ADGRG4: variants seen among roughly 807,000 people sequenced by gnomAD.
ADGRG4 encodes the protein adhesion G protein-coupled receptor G4, also known as G protein-coupled receptor 112.
A neutral mutation model predicts 126.2 loss-of-function variants in ADGRG4; 122 were observed. That is an observed-to-expected ratio of 0.97 (90% CI 0.83 to 1.12). ADGRG4 has a LOEUF of 1.12. ADGRG4 is among the 50% of genes most tolerant of loss of function. The pLI, the probability that ADGRG4 is intolerant of heterozygous loss-of-function variation, is 0.00. For missense variants in ADGRG4, 2,481 were observed against 2,251.8 expected, an observed-to-expected ratio of 1.10 and a Z score of -2.06; for synonymous variants, 943 against 838.7, an observed-to-expected ratio of 1.12 and a Z score of -2.15.
chrX:136,341,994 G>A (rs1042285964), intron 5 of ADGRG4, among the ~76,000 whole-genome samples: 7 of 111,741 alleles, frequency 6.3e-5, no homozygotes, highest in Non-Finnish European at 1.3e-4. Context: ...GATTTCAATT[G>A]GAGAAAGATC....
At chrX:136,379,179 A>G (rs746047520) in intron 15 of ADGRG4, among the ~76,000 whole-genome samples, 13 of 111,212 alleles carry the variant, frequency 1.2e-4, no homozygotes, top group Non-Finnish European at 1.9e-4. Context: ...AGCCATTCAG[A>G]TTTTCTGATT....
intron 15 of ADGRG4, 71 bp from the exon 16 acceptor site, chrX:136,387,669 G>A: frequency 1.3e-5 from 13 of 1,005,222 alleles, no homozygotes; most frequent in Non-Finnish European, 1.8e-5. Flanking sequence ...CTGAGCTGGG[G>A]TGGGAGGTGG....
At position 136,349,426 on chromosome X, in the gene ADGRG4, T is replaced by TG. The variant is rs1227102986; in HGVS notation, c.5722dup (p.Glu1908GlyfsTer25). The stretch of plus-strand genomic sequence containing the variant: ...ATTAATGTACCTACATCCAATGAGA[T>TG]GGAAACAGAGACTCTACACCTTGTT... On this transcript the variant is annotated frameshift_variant, in exon 6 of 26. Transcript: ENST00000394143. LOFTEE classifies it high-confidence loss of function. The TG allele has an allele frequency of 8.3e-7, 1 of 1,206,669 alleles. No homozygotes were observed. The highest frequency in any genetic ancestry group is 3.0e-5 in the East Asian group (1 of 33,809).
intron 4 of ADGRG4, among the ~76,000 whole-genome samples, chrX:136,318,836 C>T (rs1225952024): frequency 8.9e-6 from 1 of 112,236 alleles, no homozygotes; most frequent in Non-Finnish European, 1.9e-5. Flanking sequence ...TAATACTTTT[C>T]AGTTTTTCTT....
rs1196018244 is a variant in ADGRG4, at chrX:136,305,019, A to G, written c.-14A>G. The G allele has an allele frequency of 1.8e-5, 2 of 112,033 alleles. No individual in the cohort carries two copies. Among genetic ancestry groups the G allele is most frequent in the Non-Finnish European group, 3.8e-5 (2 of 53,182 alleles). 9.2% of individuals were successfully genotyped at this position (112,033 alleles called of 1,213,427 possible). On this transcript the variant is annotated 5_prime_UTR_variant, in exon 3 of 26. The change creates a new upstream start codon in the 5' untranslated region. Transcript: ENST00000394143. The stretch of plus-strand genomic sequence containing the variant: ...TGTGTTATGTAATCTTCACAGCAAT[A>G]TGAGGTGAGTTCCATGGTCAGCATT...
rs763490250 is a variant in ADGRG4 at position 136,349,196 on chromosome X, A to G, written c.5490A>G (p.Leu1830=). ...YPPWTPSSAT[L]PSLTSFVYSP... is the part of the protein sequence containing the mutation. ...CATGGACCCCATCCAGTGCAACTCT[A>G]CCCTCTTTGACATCATTTGTTTATT... The change falls in exon 6 of 26, where the codon CTA becomes CTG. Residue 1830 remains leucine, a synonymous_variant. Coordinates refer to ENST00000394143, the MANE Select transcript of ADGRG4 (RefSeq NM_153834.4). 1.8e-5 allele frequency: 22 copies of G among 1,204,704 alleles called. No homozygotes were observed. The South Asian group carries it at 3.7e-4, about 20-fold the overall frequency.
At chrX:136,403,153 C>A in intron 21 of ADGRG4, 91 bp from the exon 22 acceptor site, 1 of 632,142 alleles carries the variant, frequency 1.6e-6, no homozygotes, top group Non-Finnish European at 2.6e-6. Context: ...CTTATTTAAA[C>A]AGTGTCTTAA....
intron 1 of ADGRG4, among the ~76,000 whole-genome samples, chrX:136,303,705 A>T (rs972860609): frequency 1.8e-5 from 2 of 111,509 alleles, no homozygotes; most frequent in Non-Finnish European, 3.8e-5. Context: ...AAAATCTCTT[A>T]AGGAGTTGTC....
rs760203414 is a variant in ADGRG4 at position 136,322,950 on chromosome X, C to A, written c.243C>A (p.Ala81=). The stretch of plus-strand genomic sequence containing the variant: ...CCTTCTCTTATATTACTAATAACGC[C>A]CTCCTGGGCAGAGAAGACATAGACC... ...WMAFSYITNN[A]LLGREDIDLG... Residue 81 remains alanine, a synonymous_variant, in exon 5 of 26, where the codon GCC becomes GCA. Coordinates refer to ENST00000394143, the MANE Select transcript of ADGRG4 (RefSeq NM_153834.4). 1 of 1,210,563 alleles carries A rather than the reference C, an allele frequency of 8.3e-7. No homozygotes were observed. Among genetic ancestry groups the A allele is most frequent in the South Asian group, 1.8e-5 (1 of 56,941 alleles).
At chrX:136,324,755 T>G (rs1400036502) in intron 5 of ADGRG4, among the ~76,000 whole-genome samples, 3 of 112,127 alleles carry the variant, frequency 2.7e-5, no homozygotes, top group African/African-American at 9.7e-5. Flanking sequence ...TTTGAGCATT[T>G]TCTTACTCTC....
chrX:136,407,107 T>C (rs1005351560), intron 23 of ADGRG4, among the ~76,000 whole-genome samples: 5 of 111,291 alleles, frequency 4.5e-5, no homozygotes, highest in Non-Finnish European at 1.9e-5. Context: ...TGGGACAGGC[T>C]GAGAGTCAAG....
At chrX:136,328,596 A>G (rs996417119) in intron 5 of ADGRG4, among the ~76,000 whole-genome samples, 5 of 112,225 alleles carry the variant, frequency 4.5e-5, no homozygotes, top group African/African-American at 9.7e-5. Flanking sequence ...TAGCATCCCT[A>G]TATCTGCGGG....
At position 136,350,450 on chromosome X, in the gene ADGRG4, C is replaced by T. The variant is rs1327404324; in HGVS notation, c.6727+17C>T. The T allele has an allele frequency of 1.7e-6, 2 of 1,185,466 alleles. No individual in the cohort carries two copies. The highest frequency in any genetic ancestry group is 3.5e-5 in the African/African-American group (2 of 56,734). On this transcript the variant is annotated intron_variant, in intron 6 of 25. Transcript: ENST00000394143. ...AGTCCACAGGTACTGCTCCATAATG[C>T]ATGTGGTGTAGCCCCAACAGAATTC...
At chrX:136,373,573 A>G (rs188170811) in intron 15 of ADGRG4, among the ~76,000 whole-genome samples, 3 of 112,101 alleles carry the variant, frequency 2.7e-5, no homozygotes, top group East Asian at 2.8e-4. Context: ...ACAATTAAAA[A>G]GTAATAAAAT....
At chrX:136,364,754 G>T (rs764557789) in intron 13 of ADGRG4, among the ~76,000 whole-genome samples, 1 of 111,818 alleles carries the variant, frequency 8.9e-6, no homozygotes, top group Non-Finnish European at 1.9e-5. Flanking sequence ...GACCACATTA[G>T]CTTTTATTTT....
At position 136,414,411 on chromosome X, in the gene ADGRG4, T is replaced by C. The variant is rs1039508086; in HGVS notation, c.9205+84T>C. 75 of 790,446 alleles carry C rather than the reference T, an allele frequency of 9.5e-5. No individual in the cohort carries two copies. In the African/African-American group the frequency reaches 1.5e-3, roughly 16 times the overall value. The allele number at this position is 790,446 out of a possible 1,213,427, so 65.1% of individuals were successfully genotyped here. ...AGACCACATACTGGGTCTTGGATGA[T>C]ACTTCCTCTTCAAAACTAAATGCAC... On this transcript the variant is annotated intron_variant, in intron 25 of 25. Transcript: ENST00000394143.
At chrX:136,362,701 C>G (rs1461472375) in intron 12 of ADGRG4, among the ~76,000 whole-genome samples, 1 of 111,445 alleles carries the variant, frequency 9.0e-6, no homozygotes, top group Non-Finnish European at 1.9e-5. Flanking sequence ...GCTGTTTGCT[C>G]TTCTTGGGGT....
At chrX:136,341,052 C>A (rs886951625) in intron 5 of ADGRG4, among the ~76,000 whole-genome samples, 1 of 111,810 alleles carries the variant, frequency 8.9e-6, no homozygotes, top group African/African-American at 3.2e-5. Flanking sequence ...TAAAATGCCA[C>A]CTGCTTGGCA....
At chrX:136,387,366 A>G (rs1404006378) in intron 15 of ADGRG4, among the ~76,000 whole-genome samples, 1 of 112,098 alleles carries the variant, frequency 8.9e-6, no homozygotes, top group Admixed American at 9.4e-5. Context: ...CTTTTAACAT[A>G]TGGAGGAAGG....
Sources: allele counts gnomAD v4.1 joint callset (sites outside exome capture counted in the v4.1 genomes callset), GRCh38; gene constraint gnomAD v4.1.1; transcripts MANE v1.5; gene names NCBI Gene and HGNC (gene_info 2026-07-23, HGNC 2026-07-21).